ETFB: variants seen among roughly 807,000 people sequenced by gnomAD.
ETFB encodes the protein electron transfer flavoprotein subunit beta, also known as beta-ETF.
In ETFB, 20 loss-of-function variants were observed where a neutral mutation model predicts 25.6. The ratio of observed to expected loss-of-function variants is 0.78; its 90% CI spans 0.55 to 1.14. ETFB has a LOEUF of 1.14. Among genes scored for constraint, ETFB ranks in the 50% most tolerant of loss-of-function variants. The pLI is 0.00. For synonymous variants in ETFB, 142 were observed against 146.7 expected, an observed-to-expected ratio of 0.97 and a Z score of 0.23; for missense variants, 286 against 342.6, an observed-to-expected ratio of 0.83 and a Z score of 1.30.
chr19:51,350,217 G>A, intron 4 of ETFB, 112 bp downstream of exon 4: 1 of 1,219,912 alleles, frequency 8.2e-7, no homozygotes, highest in South Asian at 1.3e-5. Context: ...GGCAATCCGA[G>A]GGAACAGTGT....
At chr19:51,353,338 C>T (rs766693983) in intron 2 of ETFB, 48 bp from the exon 3 acceptor site, 4 of 1,609,196 alleles carry the variant, frequency 2.5e-6, no homozygotes, top group East Asian at 2.2e-5. Flanking sequence ...TCAGGGGGAC[C>T]TAGGAGTCTG....
In ETFB at chr19:51,345,185, G is replaced by A. The variant is rs767822374; in HGVS notation, c.*26C>T. The A allele has an allele frequency of 6.2e-7, 1 of 1,612,210 alleles. No individual in the cohort carries two copies. The highest frequency in any genetic ancestry group is 8.5e-7 in the Non-Finnish European group (1 of 1,178,242). ...TAACAGAGATAGATGTTGAGAGTCAGTTTTATTGCCATCTCTGGGAGGGGC... is the reference window on the plus strand; with the variant it reads ...TAACAGAGATAGATGTTGAGAGTCAATTTTATTGCCATCTCTGGGAGGGGC... On this transcript the variant is annotated 3_prime_UTR_variant, in exon 6 of 6. Coordinates refer to ENST00000309244, the MANE Select transcript of ETFB (RefSeq NM_001985.3).
At chr19:51,345,482 G>A in intron 5 of ETFB, 101 bp from the exon 6 acceptor site, 1 of 1,223,050 alleles carries the variant, frequency 8.2e-7, no homozygotes, top group South Asian at 1.3e-5. Context: ...AGTCCCATGG[G>A]CTGAACCCTC....
chr19:51,347,131 A>G (rs1985817254), intron 4 of ETFB, 73 bp from the exon 5 acceptor site: 4 of 1,454,494 alleles, frequency 2.8e-6, no homozygotes, highest in Non-Finnish European at 2.9e-6. Context: ...TGCTTATGCC[A>G]CTACTGAGTA....
At chr19:51,353,050 T>G (rs1985966704) in intron 3 of ETFB, 82 bp downstream of exon 3, 1 of 1,569,324 alleles carries the variant, frequency 6.4e-7, no homozygotes, top group Non-Finnish European at 8.7e-7. Flanking sequence ...CCTGGCCAGC[T>G]GCTGTCTCAC....
rs148997782 is a variant in ETFB at position 51,364,817 on chromosome 19, T to C, written c.57+1453A>G. Among the ~76,000 whole-genome samples the C allele has an allele frequency of 1.9e-3, 287 of 152,302 alleles. 2 individuals are homozygous for C. Among genetic ancestry groups the C allele is most frequent in the African/African-American group, 6.5e-3 (272 of 41,566 alleles). ...GTCTAGAGCCAGACTTGCCCGGGGT[T>C]TCGATCGTAACTCTGCCACTTACTG... On this transcript the variant is annotated intron_variant, in intron 1 of 5. Coordinates refer to ENST00000309244, the MANE Select transcript of ETFB (RefSeq NM_001985.3).
intron 1 of ETFB, among the ~76,000 whole-genome samples, chr19:51,361,417 G>A (rs1367469988): frequency 6.6e-6 from 1 of 152,126 alleles, no homozygotes; most frequent in Non-Finnish European, 1.5e-5. Context: ...TAACTCGGCG[G>A]GGGGCAGACA....
chr19:51,365,973 A>C (rs914017989), intron 1 of ETFB, among the ~76,000 whole-genome samples: 1 of 152,226 alleles, frequency 6.6e-6, no homozygotes, highest in Non-Finnish European at 1.5e-5. Flanking sequence ...TTCTCCGTGC[A>C]TTAAACAGGG....
chr19:51,347,083 G>A, intron 4 of ETFB, 25 bp from the exon 5 acceptor site: 5 of 1,613,482 alleles, frequency 3.1e-6, no homozygotes, highest in Middle Eastern at 1.6e-4. Context: ...TGTAGGAGGA[G>A]AGTGGGTGAG....
intron 4 of ETFB, among the ~76,000 whole-genome samples, chr19:51,349,479 C>A (rs1310967246): frequency 7.2e-6 from 1 of 138,000 alleles, no homozygotes. Flanking sequence ...ACAGGGTTTC[C>A]CTCTTTCACC....
intron 1 of ETFB, chr19:51,356,522 G>A (rs1327561940): frequency 6.6e-6 from 1 of 152,178 alleles, no homozygotes; most frequent in Non-Finnish European, 1.5e-5. Flanking sequence ...GGGAGGTAAG[G>A]GAGGTGGGTG....
At chr19:51,360,087 C>T (rs889561332) in intron 1 of ETFB, among the ~76,000 whole-genome samples, 1 of 151,490 alleles carries the variant, frequency 6.6e-6, no homozygotes, top group Non-Finnish European at 1.5e-5. Flanking sequence ...CTTAAAGAGA[C>T]GACATATCCA....
intron 1 of ETFB, among the ~76,000 whole-genome samples, chr19:51,363,675 C>A (rs1368988939): frequency 6.6e-6 from 1 of 152,110 alleles, no homozygotes; most frequent in Admixed American, 6.5e-5. Context: ...TCTCAAACTC[C>A]TGACCTCAAC....
chr19:51,345,216 TC>T lies in ETFB; in HGVS notation c.762del (p.Ile255PhefsTer?), dbSNP rs1985738706. 1 of 1,614,166 alleles carries T rather than the reference TC, an allele frequency of 6.2e-7. No individual in the cohort carries two copies. Among genetic ancestry groups the T allele is most frequent in the South Asian group, 1.1e-5 (1 of 91,086 alleles). On this transcript the variant is annotated frameshift_variant, in exon 6 of 6. Coordinates refer to ENST00000309244, the MANE Select transcript of ETFB (RefSeq NM_001985.3). LOFTEE classifies it high-confidence loss of function. ...TTGCCATCTCTGGGAGGGGCTCAAA[TC>T]CGCCCAATCTCCTTCAGCTTGGCCA... is the stretch of plus-strand genomic sequence containing the variant. Reference protein sequence around the residue: ...DLVAKLKEIGRI With the variant: ...DLVAKLKEIGXI
At chr19:51,353,086 G>T in intron 3 of ETFB, 46 bp downstream of exon 3, 1 of 1,610,676 alleles carries the variant, frequency 6.2e-7, no homozygotes, top group Non-Finnish European at 8.5e-7. Context: ...CCCTCCTCCC[G>T]AGCAGGGATG....
chr19:51,355,516 T>C (rs1442052549), intron 1 of ETFB: 1 of 152,174 alleles, frequency 6.6e-6, no homozygotes, highest in Non-Finnish European at 1.5e-5. Context: ...AGTTCAACCA[T>C]TGTGGAAGTC....
intron 2 of ETFB, 49 bp from the exon 3 acceptor site, chr19:51,353,339 T>G (rs751583250): frequency 6.2e-7 from 1 of 1,607,818 alleles, no homozygotes; most frequent in South Asian, 1.1e-5. Flanking sequence ...CAGGGGGACC[T>G]AGGAGTCTGG....
At chr19:51,361,697 G>GTTTTTTTTT (rs67282065) in intron 1 of ETFB, 2 of 95,424 alleles carry the variant, frequency 2.1e-5, no homozygotes, top group African/African-American at 4.6e-5. Flanking sequence ...CCTCTCCTGG[G>GTTTTTTTTT]TTTTTTTTTT....
chr19:51,346,814 T>G, intron 5 of ETFB, 86 bp downstream of exon 5: 2 of 1,350,912 alleles, frequency 1.5e-6, no homozygotes, highest in South Asian at 2.6e-5. Flanking sequence ...GATCCTTCCC[T>G]CCCCACGTGC....
Sources: allele counts gnomAD v4.1 joint callset (sites outside exome capture counted in the v4.1 genomes callset), GRCh38; gene constraint gnomAD v4.1.1; transcripts MANE v1.5; gene names NCBI Gene and HGNC (gene_info 2026-07-23, HGNC 2026-07-21).